Variants in FAM184A observed in about 807,000 individuals in gnomAD.
The protein encoded by FAM184A is family with sequence similarity 184 member A.
Under a neutral mutation model 143.8 loss-of-function variants are expected in FAM184A, and 99 were observed. That is an observed-to-expected ratio of 0.69 (90% CI 0.58 to 0.81). FAM184A has a LOEUF of 0.81. Among genes scored for constraint, FAM184A ranks in the 40% least tolerant of loss-of-function variants. The pLI is 0.00. For synonymous variants in FAM184A, 427 were observed against 446.4 expected, an observed-to-expected ratio of 0.96 and a Z score of 0.55; for missense variants, 1,217 against 1,310.5, an observed-to-expected ratio of 0.93 and a Z score of 1.10.
At chr6:119,039,901 C>T (rs1451713656) in intron 1 of FAM184A, among the ~76,000 whole-genome samples, 1 of 152,128 alleles carries the variant, frequency 6.6e-6, no homozygotes, top group Non-Finnish European at 1.5e-5. Context: ...CTTCTGGGTA[C>T]GCTACACTGG....
In FAM184A at chr6:119,078,278, A is replaced by G; in HGVS notation, c.22T>C (p.Trp8Arg). The G allele has an allele frequency of 1.3e-6, 2 of 1,513,324 alleles. No individual in the cohort carries two copies. Among genetic ancestry groups the G allele is most frequent in the Non-Finnish European group, 1.8e-6 (2 of 1,134,638 alleles). 93.7% of individuals were successfully genotyped at this position (1,513,324 alleles called of 1,614,324 possible). A position where few individuals can be genotyped will look rare whatever the true frequency, so the allele number is the denominator to read the frequency against. ...GAGCCGCCGTAATAGTGCTGCTGCCAGCTCATGCCCGGGGTCGCCATCTTC... is the reference window on the plus strand; with the variant it reads ...GAGCCGCCGTAATAGTGCTGCTGCCGGCTCATGCCCGGGGTCGCCATCTTC... MATPGMSWQQHYYGGSAA... is the reference protein window; with the variant it reads MATPGMSRQQHYYGGSAA... Residue 8 changes from tryptophan to arginine, a missense_variant, in exon 1 of 18, where the codon TGG becomes CGG. Coordinates refer to ENST00000338891, the MANE Select transcript of FAM184A (RefSeq NM_024581.6). The surrounding 1 kb of genome is among the most constrained non-coding windows in gnomAD (Gnocchi z 5.5).
upstream of FAM184A, among the ~76,000 whole-genome samples, chr6:119,083,223 T>C (rs1482719247): frequency 6.6e-6 from 1 of 152,196 alleles, no homozygotes; most frequent in East Asian, 1.9e-4. Context: ...AACCATTTTT[T>C]CCTCCTAGGC....
At chr6:119,019,396 A>T (rs975832190) in intron 4 of FAM184A, among the ~76,000 whole-genome samples, 1 of 152,222 alleles carries the variant, frequency 6.6e-6, no homozygotes, top group African/African-American at 2.4e-5. Context: ...GAATGAATGG[A>T]AGTAAGTAAA....
At chr6:119,028,419 A>G (rs771088275) in intron 1 of FAM184A, among the ~76,000 whole-genome samples, 14 of 152,210 alleles carry the variant, frequency 9.2e-5, no homozygotes, top group Non-Finnish European at 1.8e-4. Flanking sequence ...ATGTGACTAT[A>G]CAGTTGGAAC....
chr6:119,040,445 A>G (rs113973469), intron 1 of FAM184A, among the ~76,000 whole-genome samples: 1,724 of 152,266 alleles, frequency 0.011, 33 homozygotes, highest in African/African-American at 0.039. Flanking sequence ...CCTCTTGGCC[A>G]GAGTGACTCT....
chr6:119,017,761 G>A (rs968504771), intron 4 of FAM184A, among the ~76,000 whole-genome samples: 4 of 152,192 alleles, frequency 2.6e-5, no homozygotes, highest in African/African-American at 9.7e-5. Flanking sequence ...GACCTCCAAT[G>A]TTGGAGATGT....
chr6:119,034,041 T>TAGAG (rs57162948), intron 1 of FAM184A, among the ~76,000 whole-genome samples: 65 of 42,002 alleles, frequency 1.5e-3, no homozygotes, highest in African/African-American at 5.8e-3. Flanking sequence ...TATATATATA[T>TAGAG]AGAGAGAGAG....
At chr6:118,986,740 T>C (rs1784208207) in intron 9 of FAM184A, among the ~76,000 whole-genome samples, 2 of 152,254 alleles carry the variant, frequency 1.3e-5, no homozygotes, top group African/African-American at 4.8e-5. Context: ...ACAAATATTC[T>C]AAAGTATAAT....
chr6:119,035,582 G>A (rs996553651), intron 1 of FAM184A, among the ~76,000 whole-genome samples: 4 of 152,118 alleles, frequency 2.6e-5, no homozygotes, highest in Non-Finnish European at 5.9e-5. Flanking sequence ...TGTTCTCCCT[G>A]ATCCGGGAGA....
At chr6:119,023,896 T>C in intron 2 of FAM184A, 63 bp downstream of exon 2, 3 of 1,436,760 alleles carry the variant, frequency 2.1e-6, no homozygotes, top group Non-Finnish European at 2.8e-6. Context: ...CTCTCCAGCC[T>C]ACAAAACAAA....
chr6:119,108,128 A>AGTGTGTGTGTGTGTGT (rs57693047), intron 1 of FAM184A, among the ~76,000 whole-genome samples: 8,242 of 147,238 alleles, frequency 0.056, 504 homozygotes, highest in African/African-American at 0.14. Context: ...AGCACTTGTT[A>AGTGTGTGTGTGTGTGT]GTGTGTGTGT....
chr6:119,048,045 C>A (rs976799607), intron 1 of FAM184A, among the ~76,000 whole-genome samples: 2 of 152,176 alleles, frequency 1.3e-5, no homozygotes, highest in African/African-American at 4.8e-5. Flanking sequence ...ATCAAGTAGT[C>A]TTCATCTCCG....
intron 1 of FAM184A, among the ~76,000 whole-genome samples, chr6:119,062,528 G>A (rs1384942205): frequency 1.3e-5 from 2 of 152,104 alleles, no homozygotes; most frequent in African/African-American, 4.8e-5. Flanking sequence ...GTGTGGTGGT[G>A]TGAGCCAATA....
intron 1 of FAM184A, among the ~76,000 whole-genome samples, chr6:119,120,978 T>C (rs1789198060): frequency 1.4e-5 from 2 of 145,824 alleles, no homozygotes; most frequent in South Asian, 2.1e-4. Context: ...TGAAAAACTT[T>C]CTTTTTTTTT....
At chr6:119,079,265 G>C (rs1214842077), upstream of FAM184A, 1 of 152,222 alleles carries the variant, frequency 6.6e-6, no homozygotes, top group Non-Finnish European at 1.5e-5. Flanking sequence ...TGTGTGGAGG[G>C]AACGCTCCTT....
At chr6:119,047,518 G>T (rs901412951) in intron 1 of FAM184A, among the ~76,000 whole-genome samples, 1 of 152,050 alleles carries the variant, frequency 6.6e-6, no homozygotes. Flanking sequence ...AGAAAATGTC[G>T]TACACAATTG....
At chr6:119,033,611 G>C (rs1785974886) in intron 1 of FAM184A, among the ~76,000 whole-genome samples, 1 of 149,978 alleles carries the variant, frequency 6.7e-6, no homozygotes, top group Non-Finnish European at 1.5e-5. Flanking sequence ...GTTGCAGTGA[G>C]CCAAGATTAT....
chr6:119,055,884 T>C (rs1786953476), intron 1 of FAM184A, among the ~76,000 whole-genome samples: 1 of 152,116 alleles, frequency 6.6e-6, no homozygotes, highest in African/African-American at 2.4e-5. Context: ...TCCTACAAAA[T>C]CCACAATCTC....
intron 11 of FAM184A, among the ~76,000 whole-genome samples, chr6:118,978,992 C>T (rs1313796853): frequency 2.0e-5 from 3 of 152,114 alleles, no homozygotes; most frequent in Non-Finnish European, 4.4e-5. Flanking sequence ...CCCATTAAAA[C>T]AAAATCTTGA....
Sources: gnomAD v4.1 joint callset for allele counts (sites outside exome capture counted in the v4.1 genomes callset) on GRCh38, gnomAD v4.1.1 for gene constraint, Gnocchi (gnomAD v3.1) non-coding constraint, MANE v1.5 for transcripts, NCBI Gene and HGNC (gene_info 2026-07-23, HGNC 2026-07-21) for gene names.